ARHGEF9: variants seen among roughly 807,000 people sequenced by gnomAD.
The protein encoded by ARHGEF9 is rho guanine nucleotide exchange factor 9.
In ARHGEF9, 2 loss-of-function variants were observed where a neutral mutation model predicts 41.3. The ratio of observed to expected loss-of-function variants is 0.05; its 90% CI spans 0.02 to 0.15. The LOEUF (loss-of-function observed/expected upper bound fraction) is 0.15, where lower values mean the gene tolerates loss of function less well. Ranked by LOEUF, ARHGEF9 falls within the 10% of genes least tolerant of loss-of-function variation. ARHGEF9 has a pLI of 1.00. For synonymous variants in ARHGEF9, 160 were observed against 154.4 expected, an observed-to-expected ratio of 1.04 and a Z score of -0.27; for missense variants, 225 against 424.7, an observed-to-expected ratio of 0.53 and a Z score of 4.13.
chrX:63,688,943 T>C (rs782271487), intron 4 of ARHGEF9, among the ~76,000 whole-genome samples: 22 of 111,917 alleles, frequency 2.0e-4, no homozygotes, highest in Non-Finnish European at 3.9e-4. Context: ...TAATAAGATG[T>C]TCTAAGCCCC....
At chrX:63,656,318 A>T (rs1556336080) in intron 7 of ARHGEF9, among the ~76,000 whole-genome samples, 1 of 111,865 alleles carries the variant, frequency 8.9e-6, no homozygotes, top group Non-Finnish European at 1.9e-5. Flanking sequence ...ACATATCAAC[A>T]CAGATGAATG....
intron 4 of ARHGEF9, among the ~76,000 whole-genome samples, chrX:63,680,026 T>C (rs2050517215): frequency 8.9e-6 from 1 of 112,369 alleles, no homozygotes; most frequent in South Asian, 3.7e-4. Context: ...AAATCAACCG[T>C]ATTCCTGTGT....
At chrX:63,677,120 C>A (rs192528064) in intron 5 of ARHGEF9, among the ~76,000 whole-genome samples, 8 of 111,662 alleles carry the variant, frequency 7.2e-5, no homozygotes, top group Non-Finnish European at 1.1e-4. Flanking sequence ...TTTTAGCAGT[C>A]GGCAGGAGAA....
chrX:63,691,181 G>A (rs1295355099), intron 4 of ARHGEF9, among the ~76,000 whole-genome samples: 1 of 111,549 alleles, frequency 9.0e-6, no homozygotes, highest in Non-Finnish European at 1.9e-5. Context: ...TATTGAAAAG[G>A]AAGAAATCAA....
At chrX:63,741,257 A>G (rs1377307398) in intron 1 of ARHGEF9, among the ~76,000 whole-genome samples, 3 of 112,464 alleles carry the variant, frequency 2.7e-5, no homozygotes, top group African/African-American at 9.7e-5. Context: ...GTTAACTCAC[A>G]TCTGAGGGCT....
chrX:63,748,801 G>A (rs1402254142), intron 1 of ARHGEF9, among the ~76,000 whole-genome samples: 1 of 112,373 alleles, frequency 8.9e-6, no homozygotes, highest in African/African-American at 3.2e-5. Flanking sequence ...TGAGGGTTGA[G>A]AATCAGTAGA....
At chrX:63,732,191 T>A (rs782160074) in intron 1 of ARHGEF9, 2 of 112,004 alleles carry the variant, frequency 1.8e-5, no homozygotes, top group East Asian at 5.6e-4. Context: ...CCTTTGCTTT[T>A]TGTTCTCTCC....
chrX:63,640,530 T>A (rs2047559777), intron 9 of ARHGEF9: 1 of 112,370 alleles, frequency 8.9e-6, no homozygotes, highest in Admixed American at 9.4e-5. Context: ...TCTATACTGA[T>A]CTAGTTAATT....
At chrX:63,684,865 C>T (rs1211502296) in intron 4 of ARHGEF9, among the ~76,000 whole-genome samples, 1 of 108,764 alleles carries the variant, frequency 9.2e-6, no homozygotes, top group African/African-American at 3.3e-5. Context: ...ATGAAATAAT[C>T]CAGTCACAGA....
intron 1 of ARHGEF9, among the ~76,000 whole-genome samples, chrX:63,751,583 T>C (rs1201575560): frequency 2.2e-4 from 25 of 111,697 alleles, no homozygotes; most frequent in African/African-American, 7.8e-4. Flanking sequence ...TTTATTTGCC[T>C]GGAGACAATT....
intron 2 of ARHGEF9, among the ~76,000 whole-genome samples, chrX:63,721,276 T>C (rs1159079549): frequency 8.9e-6 from 1 of 111,894 alleles, no homozygotes; most frequent in Non-Finnish European, 1.9e-5. Flanking sequence ...ACATCTGGTC[T>C]GTAGAAAGCC....
intron 9 of ARHGEF9, chrX:63,639,435 TC>T (rs1319552560): frequency 9.0e-6 from 1 of 111,678 alleles, no homozygotes; most frequent in African/African-American, 3.3e-5. Context: ...ATAATAGAGA[TC>T]CTGTGTACTC....
chrX:63,642,832 TA>T (rs2047726820), intron 9 of ARHGEF9: 1 of 111,202 alleles, frequency 9.0e-6, no homozygotes, highest in Non-Finnish European at 1.9e-5. Context: ...TGGCTATCAG[TA>T]ATAGAAGCAG....
chrX:63,676,660 G>A (rs2050278468), intron 5 of ARHGEF9, among the ~76,000 whole-genome samples: 1 of 111,793 alleles, frequency 8.9e-6, no homozygotes, highest in Non-Finnish European at 1.9e-5. Flanking sequence ...ACATAAGTAA[G>A]TGCTCCTGCT....
intron 2 of ARHGEF9, among the ~76,000 whole-genome samples, chrX:63,714,963 T>C (rs1556409140): frequency 8.9e-6 from 1 of 111,883 alleles, no homozygotes; most frequent in African/African-American, 3.2e-5. Flanking sequence ...ACTTACTTAG[T>C]CGAGGCTGGA....
intron 2 of ARHGEF9, among the ~76,000 whole-genome samples, chrX:63,709,926 T>C (rs2052799824): frequency 9.0e-6 from 1 of 111,463 alleles, no homozygotes; most frequent in Admixed American, 9.5e-5. Context: ...GAGTTAGCAA[T>C]ATACCCATAT....
intron 1 of ARHGEF9, among the ~76,000 whole-genome samples, chrX:63,765,427 C>G (rs1443233024): frequency 9.0e-6 from 1 of 110,774 alleles, no homozygotes; most frequent in African/African-American, 3.3e-5. Flanking sequence ...TAAGCAGGAG[C>G]ACCAACTCTC....
intron 1 of ARHGEF9, chrX:63,743,503 C>G (rs2055085993): frequency 8.9e-6 from 1 of 112,788 alleles, no homozygotes; most frequent in African/African-American, 3.2e-5. Context: ...ATACAGTAGT[C>G]TTTATCTTCT....
intron 2 of ARHGEF9, among the ~76,000 whole-genome samples, chrX:63,708,728 G>T (rs1474916217): frequency 1.8e-5 from 2 of 112,001 alleles, no homozygotes; most frequent in African/African-American, 6.5e-5. Context: ...ACTACTAACA[G>T]ATTCATTCAT....
Sources: allele counts gnomAD v4.1 joint callset (sites outside exome capture counted in the v4.1 genomes callset), GRCh38; gene constraint gnomAD v4.1.1; transcripts MANE v1.5; gene names NCBI Gene and HGNC (gene_info 2026-07-23, HGNC 2026-07-21).